The following SEMA3C variants were observed in gnomAD, a reference collection of about 807,000 sequenced individuals.
SEMA3C encodes the protein semaphorin 3C, also known as semaphorin-3C.
A neutral mutation model predicts 89.4 loss-of-function variants in SEMA3C; 47 were observed. That is an observed-to-expected ratio of 0.53 (90% confidence interval 0.42 to 0.67). SEMA3C has a LOEUF of 0.67. SEMA3C is among the 30% of genes least tolerant of loss of function. The pLI is 0.00. For synonymous variants in SEMA3C, 310 were observed against 320.2 expected (o/e 0.97, Z 0.34); for missense variants, 839 against 929.1 (o/e 0.90, Z 1.26).
chr7:80,836,923 C>T (rs1400123777), intron 2 of SEMA3C, among the ~76,000 whole-genome samples: 1 of 152,112 alleles, frequency 6.6e-6, no homozygotes, highest in Non-Finnish European at 1.5e-5. Context: ...AATTATATGG[C>T]TGCTCTACTT....
chr7:80,895,783 T>C (rs979933798), intron 2 of SEMA3C, among the ~76,000 whole-genome samples: 3 of 152,108 alleles, frequency 2.0e-5, no homozygotes, highest in African/African-American at 7.2e-5. Flanking sequence ...TTTTAAAATA[T>C]CTCTGGGATC....
intron 16 of SEMA3C, among the ~76,000 whole-genome samples, chr7:80,750,503 T>C (rs202224930): frequency 5.7e-3 from 430 of 75,788 alleles, no homozygotes; most frequent in Non-Finnish European, 7.3e-3. Flanking sequence ...CACACACACA[T>C]ACACACACAC....
intron 4 of SEMA3C, among the ~76,000 whole-genome samples, chr7:80,822,706 A>G (rs889697768): frequency 6.6e-6 from 1 of 152,204 alleles, no homozygotes; most frequent in African/African-American, 2.4e-5. Context: ...GGATGCTTCA[A>G]TCTTTGCATT....
intron 2 of SEMA3C, among the ~76,000 whole-genome samples, chr7:80,887,078 T>C (rs986929761): frequency 6.6e-6 from 1 of 152,070 alleles, no homozygotes; most frequent in African/African-American, 2.4e-5. Flanking sequence ...TACCAGGGAG[T>C]GAAATTAAAA....
chr7:80,763,633 T>A (rs117215628), intron 13 of SEMA3C, among the ~76,000 whole-genome samples: 4,601 of 152,310 alleles, frequency 0.03, 102 homozygotes, highest in South Asian at 0.05. Flanking sequence ...ATGTTTAGGT[T>A]TATGTCATGC....
At chr7:80,864,630 G>C (rs777373065) in intron 2 of SEMA3C, among the ~76,000 whole-genome samples, 2 of 152,032 alleles carry the variant, frequency 1.3e-5, no homozygotes, top group Non-Finnish European at 2.9e-5. Context: ...TTGTAAGGAG[G>C]CTCTTACAAG....
rs180997301 is a variant in SEMA3C at position 80,893,617 on chromosome 7, G to C, written c.103+23062C>G. ...TACAAAAGACAATGCCTCAAATACA[G>C]TAGGTGCTCAAGAAGAATTTTAAAT... is the stretch of plus-strand genomic sequence containing the variant. On this transcript the variant is annotated intron_variant, in intron 2 of 17. Coordinates refer to ENST00000265361, the MANE Select transcript of SEMA3C (RefSeq NM_006379.5). 4.6e-5 allele frequency among the ~76,000 whole-genome samples: 7 copies of C among 152,122 alleles called. No individual in the cohort carries two copies. The East Asian group carries it at 1.4e-3, about 29-fold the overall frequency.
intron 14 of SEMA3C, among the ~76,000 whole-genome samples, chr7:80,759,471 G>A (rs749365022): frequency 2.6e-5 from 4 of 152,162 alleles, no homozygotes; most frequent in African/African-American, 4.8e-5. Flanking sequence ...CAAATTTGCT[G>A]TGTAACTTTT....
chr7:80,810,726 T>C (rs756555252), intron 5 of SEMA3C, 25 bp from the exon 6 acceptor site: 13 of 1,542,140 alleles, frequency 8.4e-6, no homozygotes, highest in East Asian at 2.2e-5. Context: ...AAATTTAAAA[T>C]GTGGCAATGA....
intron 2 of SEMA3C, among the ~76,000 whole-genome samples, chr7:80,854,830 T>C (rs1050048871): frequency 1.3e-5 from 2 of 152,208 alleles, no homozygotes; most frequent in Non-Finnish European, 2.9e-5. Context: ...TTGTTTTCTA[T>C]GTTTGCATTT....
chr7:80,901,281 G>C (rs1357863975), intron 2 of SEMA3C, among the ~76,000 whole-genome samples: 3 of 152,270 alleles, frequency 2.0e-5, no homozygotes, highest in African/African-American at 7.2e-5. Context: ...TTGACTATGT[G>C]ATTCAACGAT....
intron 2 of SEMA3C, among the ~76,000 whole-genome samples, chr7:80,852,995 A>G (rs895394215): frequency 6.6e-6 from 1 of 152,134 alleles, no homozygotes; most frequent in African/African-American, 2.4e-5. Flanking sequence ...ACATTTTTCA[A>G]AAGAAGACAA....
intron 2 of SEMA3C, among the ~76,000 whole-genome samples, chr7:80,882,735 T>C (rs1791376062): frequency 6.6e-6 from 1 of 152,090 alleles, no homozygotes; most frequent in African/African-American, 2.4e-5. Flanking sequence ...TTTAATTGGA[T>C]ATATTCTTTT....
intron 2 of SEMA3C, chr7:80,905,866 A>G (rs759374046): frequency 1.6e-6 from 2 of 1,289,622 alleles, no homozygotes; most frequent in Non-Finnish European, 2.0e-6. Context: ...TTCACGCCAC[A>G]CTTCTTTTTG....
At position 80,758,400 on chromosome 7, in the gene SEMA3C, C is replaced by A. The variant is rs769774352; in HGVS notation, c.1574G>T (p.Cys525Phe). The A allele has an allele frequency of 2.5e-6, 4 of 1,614,068 alleles. No individual in the cohort carries two copies. The highest frequency in any genetic ancestry group is 3.4e-6 in the Non-Finnish European group (4 of 1,180,024). Residue 525 changes from cysteine (C) to phenylalanine (F), a missense_variant, in exon 15 of 18, where the codon TGC (cysteine) becomes TTC (phenylalanine). Cys to Phe is a radical substitution (Grantham distance 205). Transcript: ENST00000265361. ...HIYGTACADCCLARDPYCAWD... is the reference protein window; with the variant it reads ...HIYGTACADCFLARDPYCAWD... ...GGCGCAATAAGGGTCCCGCGCCAGG[C>A]AGCAGTCAGCACAGGCTGTACCATA...
chr7:80,903,431 C>T (rs1191740907), intron 2 of SEMA3C, among the ~76,000 whole-genome samples: 1 of 152,140 alleles, frequency 6.6e-6, no homozygotes, highest in African/African-American at 2.4e-5. Context: ...GAGGCTGAGG[C>T]AGGCAGATCA....
At chr7:80,857,198 A>T (rs527906720) in intron 2 of SEMA3C, among the ~76,000 whole-genome samples, 10 of 152,242 alleles carry the variant, frequency 6.6e-5, no homozygotes, top group African/African-American at 1.9e-4. Flanking sequence ...GTGTTCCTTA[A>T]CAGGGTCAAA....
chr7:80,762,522 A>C (rs1788208574), intron 13 of SEMA3C, among the ~76,000 whole-genome samples: 1 of 152,238 alleles, frequency 6.6e-6, no homozygotes, highest in African/African-American at 2.4e-5. Context: ...TTTAATGATT[A>C]AAAATTAGAC....
rs537762182 is a variant in SEMA3C, at chr7:80,748,762, G to A, written c.1842+136C>T. 1.1e-3 allele frequency: 873 copies of A among 791,690 alleles called. 5 individuals carry two copies. In the Middle Eastern group the frequency reaches 0.015, roughly 13 times the overall value. The allele number at this position is 791,690 out of a possible 1,614,324, so 49.0% of individuals were successfully genotyped here. ...AAGGACAAAGGATTTTAAGGAAAGTGGCACTTGTCATCCCAAAGACGTAAA... is the reference window on the plus strand; with the variant it reads ...AAGGACAAAGGATTTTAAGGAAAGTAGCACTTGTCATCCCAAAGACGTAAA... On this transcript the variant is annotated intron_variant, in intron 17 of 17. Transcript: ENST00000265361.
Sources: gnomAD v4.1 joint callset for allele counts (sites outside exome capture counted in the v4.1 genomes callset) on GRCh38, gnomAD v4.1.1 for gene constraint, MANE v1.5 for transcripts, NCBI Gene and HGNC (gene_info 2026-07-23, HGNC 2026-07-21) for gene names.